The following RCL1 variants were observed in gnomAD, a reference collection of about 807,000 sequenced individuals.
The protein encoded by RCL1 is RNA terminal phosphate cyclase like 1.
Under a neutral mutation model 42.4 loss-of-function variants are expected in RCL1, and 24 were observed. The observed-to-expected ratio is 0.57, with a 90% CI of 0.41 to 0.80. RCL1 has a LOEUF of 0.80. Ranked by LOEUF, RCL1 falls within the 30% of genes least tolerant of loss-of-function variation. The probability of loss-of-function intolerance (pLI) is 0.00; values close to 1 mark genes in which losing one functional copy is unlikely to be tolerated. For synonymous variants in RCL1, 228 were observed against 177.3 expected (o/e 1.29, Z -2.27); for missense variants, 578 against 467.9 (o/e 1.24, Z -2.17).
intron 7 of RCL1, among the ~76,000 whole-genome samples, chr9:4,846,002 T>C (rs184665248): frequency 2.0e-5 from 3 of 152,344 alleles, no homozygotes; most frequent in Admixed American, 2.0e-4. Flanking sequence ...CAATTTAGTT[T>C]TTCTTTTAAT....
chr9:4,837,879 A>G (rs1343092186), intron 5 of RCL1, among the ~76,000 whole-genome samples: 1 of 152,076 alleles, frequency 6.6e-6, no homozygotes, highest in East Asian at 1.9e-4. Context: ...CATCCCCAAT[A>G]TATCTCTGAC....
chr9:4,836,502 G>C (rs1042337766), intron 5 of RCL1, among the ~76,000 whole-genome samples: 3 of 152,100 alleles, frequency 2.0e-5, no homozygotes, highest in Admixed American at 6.6e-5. Context: ...TGGGATTTCA[G>C]ATATTAAAAG....
chr9:4,829,212 A>T (rs1421464410), intron 3 of RCL1, among the ~76,000 whole-genome samples: 1 of 152,208 alleles, frequency 6.6e-6, no homozygotes, highest in East Asian at 1.9e-4. Context: ...GGAAAATCAG[A>T]ATCAGTCTGG....
chr9:4,854,834 A>G (rs946423038), intron 8 of RCL1, among the ~76,000 whole-genome samples: 2 of 152,082 alleles, frequency 1.3e-5, no homozygotes, highest in Non-Finnish European at 2.9e-5. Flanking sequence ...AGGCGGGTAG[A>G]TCACGAGGTC....
rs752725665 is a variant in RCL1, at chr9:4,850,420, AC to A, written c.971+873del. ...GTTGAGGACTGCGGTGGGGCTATGC[AC>A]CCTTGGGCCATGGCGTTGGGGGCAT... On this transcript the variant is annotated intron_variant, in intron 8 of 8. Coordinates refer to ENST00000381750, the MANE Select transcript of RCL1 (RefSeq NM_005772.5). 5.5e-5 allele frequency: 25 copies of A among 451,088 alleles called. No homozygotes were observed. In the Middle Eastern group the frequency reaches 2.7e-3, roughly 48 times the overall value. The allele number at this position is 451,088 out of a possible 1,614,324, so 27.9% of individuals were successfully genotyped here.
intron 1 of RCL1, among the ~76,000 whole-genome samples, chr9:4,798,424 C>G (rs1842947431): frequency 6.6e-6 from 1 of 152,236 alleles, no homozygotes; most frequent in African/African-American, 2.4e-5. Context: ...GGTCATGTAA[C>G]TAAGCCTTAG....
intron 1 of RCL1, among the ~76,000 whole-genome samples, chr9:4,810,009 G>A (rs997497093): frequency 2.6e-5 from 4 of 151,950 alleles, no homozygotes; most frequent in Non-Finnish European, 4.4e-5. Flanking sequence ...TAGAGATGGG[G>A]TTTCACCATG....
At chr9:4,824,620 A>G (rs974812619) in intron 2 of RCL1, among the ~76,000 whole-genome samples, 82 of 152,184 alleles carry the variant, frequency 5.4e-4, no homozygotes, top group African/African-American at 1.8e-3. Flanking sequence ...GGCTGACTCC[A>G]TTAACTCTCT....
intron 2 of RCL1, among the ~76,000 whole-genome samples, chr9:4,823,912 T>A (rs1816674588): frequency 6.6e-6 from 1 of 152,132 alleles, no homozygotes; most frequent in African/African-American, 2.4e-5. Flanking sequence ...TAGATCATTT[T>A]AAAAAATACC....
rs1368188731 is a variant in RCL1, at chr9:4,799,626, C to T, written c.136+6399C>T. Among the ~76,000 whole-genome samples, 6 of 152,282 alleles carry T rather than the reference C, an allele frequency of 3.9e-5. No individual in the cohort carries two copies. In the East Asian group the frequency reaches 7.7e-4, roughly 20 times the overall value. ...TTTCTGTAATTTTGTCATTTGAAGA[C>T]TGCTCCATAAATGGAATCATATAGT... On this transcript the variant is annotated intron_variant, in intron 1 of 8. Transcript: ENST00000381750.
intron 8 of RCL1, among the ~76,000 whole-genome samples, chr9:4,851,564 A>G (rs934672509): frequency 3.7e-4 from 56 of 152,216 alleles, no homozygotes; most frequent in African/African-American, 1.2e-3. Context: ...TAAAAAAGGG[A>G]TGAAATCCAC....
At chr9:4,802,074 ATTTTTTT>A (rs34756856) in intron 1 of RCL1, among the ~76,000 whole-genome samples, 6 of 95,458 alleles carry the variant, frequency 6.3e-5, no homozygotes, top group African/African-American at 1.5e-4. Flanking sequence ...ACGCCTGGCT[ATTTTTTT>A]TTTTTTTTTT....
chr9:4,821,166 G>T (rs1162019924), intron 1 of RCL1, among the ~76,000 whole-genome samples: 1 of 152,142 alleles, frequency 6.6e-6, no homozygotes, highest in Admixed American at 6.5e-5. Flanking sequence ...GCTTATGCCT[G>T]TAATCCCAGC....
At chr9:4,824,118 T>G (rs550162141) in intron 2 of RCL1, among the ~76,000 whole-genome samples, 2 of 152,366 alleles carry the variant, frequency 1.3e-5, no homozygotes, top group East Asian at 3.9e-4. Flanking sequence ...AAAGTCCATT[T>G]ACTTATATTA....
At chr9:4,799,870 A>G (rs1303348950) in intron 1 of RCL1, among the ~76,000 whole-genome samples, 2 of 152,146 alleles carry the variant, frequency 1.3e-5, no homozygotes, top group African/African-American at 4.8e-5. Context: ...TCAAACCCTG[A>G]TTCCCTGTCA....
intron 8 of RCL1, among the ~76,000 whole-genome samples, chr9:4,858,309 T>C (rs1353167203): frequency 6.6e-6 from 1 of 152,224 alleles, no homozygotes; most frequent in African/African-American, 2.4e-5. Flanking sequence ...GTTGTTTTTT[T>C]ACTTTCTTGA....
At chr9:4,843,242 T>A (rs1038854806) in intron 6 of RCL1, among the ~76,000 whole-genome samples, 2 of 152,230 alleles carry the variant, frequency 1.3e-5, no homozygotes, top group Non-Finnish European at 2.9e-5. Flanking sequence ...TAAGTCAGGC[T>A]TGTTCAGATG....
At chr9:4,858,380 C>T (rs1304022067) in intron 8 of RCL1, among the ~76,000 whole-genome samples, 4 of 152,092 alleles carry the variant, frequency 2.6e-5, no homozygotes, top group African/African-American at 9.7e-5. Flanking sequence ...TTTATTTTGT[C>T]TCTTATTGCC....
intron 1 of RCL1, among the ~76,000 whole-genome samples, chr9:4,796,113 G>T (rs1239585050): frequency 1.3e-5 from 2 of 152,096 alleles, no homozygotes; most frequent in Non-Finnish European, 2.9e-5. Flanking sequence ...TTAGAGTCGG[G>T]GGTACATGTG....
Sources: gnomAD v4.1 joint callset for allele counts (sites outside exome capture counted in the v4.1 genomes callset) on GRCh38, gnomAD v4.1.1 for gene constraint, MANE v1.5 for transcripts, NCBI Gene and HGNC (gene_info 2026-07-23, HGNC 2026-07-21) for gene names.